The following CLEC17A variants were observed in gnomAD, a reference collection of about 807,000 sequenced individuals.
The protein encoded by CLEC17A is C-type lectin domain family 17, member A.
Under a neutral mutation model 61.3 loss-of-function variants are expected in CLEC17A, and 37 were observed. The ratio of observed to expected loss-of-function variants is 0.60; its 90% CI spans 0.46 to 0.79. CLEC17A has a LOEUF of 0.79. Ranked by LOEUF, CLEC17A falls within the 30% of genes least tolerant of loss-of-function variation. CLEC17A has a pLI of 0.00. For missense variants in CLEC17A, 418 were observed against 464.7 expected (o/e 0.90, Z 0.92); for synonymous variants, 168 against 164.9 (o/e 1.02, Z -0.14).
rs2075042225 is a variant in CLEC17A, at chr19:14,611,745, T to C, written c.*1549T>C. 6.6e-6 allele frequency among the ~76,000 whole-genome samples: 1 copy of C among 152,162 alleles called. No individual in the cohort carries two copies. Among genetic ancestry groups the C allele is most frequent in the Non-Finnish European group, 1.5e-5 (1 of 68,018 alleles). ...TGCCAGGCACAGTGGCTCACGCCTG[T>C]AATCCCAGCACTCTGGGAGACTGAG... On this transcript the variant is annotated 3_prime_UTR_variant, in exon 14 of 14. Transcript: ENST00000417570.
At chr19:14,605,947 C>T (rs908777280) in intron 12 of CLEC17A, among the ~76,000 whole-genome samples, 1 of 152,020 alleles carries the variant, frequency 6.6e-6, no homozygotes, top group African/African-American at 2.4e-5. Context: ...AGTATGTTGC[C>T]CAGACTAATC....
At chr19:14,608,432 G>A (rs1161011323) in intron 13 of CLEC17A, among the ~76,000 whole-genome samples, 2 of 152,068 alleles carry the variant, frequency 1.3e-5, no homozygotes, top group Non-Finnish European at 2.9e-5. Flanking sequence ...CAAGCTGATA[G>A]GGTGTCTAGC....
chr19:14,601,370 C>T (rs1426307301), intron 12 of CLEC17A, among the ~76,000 whole-genome samples: 3 of 152,150 alleles, frequency 2.0e-5, no homozygotes, highest in African/African-American at 2.4e-5. Context: ...GTCTCACCTC[C>T]GTGCAACCAG....
intron 3 of CLEC17A, among the ~76,000 whole-genome samples, 180 bp downstream of exon 3, chr19:14,587,871 G>C (rs964885926): frequency 1.3e-5 from 2 of 152,164 alleles, no homozygotes; most frequent in African/African-American, 4.8e-5. Context: ...GCAGGATTGG[G>C]CACAGTCTTG....
At chr19:14,581,892 T>C (rs1016079099), upstream of CLEC17A, among the ~76,000 whole-genome samples, 1 of 152,134 alleles carries the variant, frequency 6.6e-6, no homozygotes, top group Non-Finnish European at 1.5e-5. Flanking sequence ...CCTCACGTGA[T>C]CCACCCACCT....
intron 4 of CLEC17A, among the ~76,000 whole-genome samples, chr19:14,593,782 A>C (rs2074478992): frequency 6.6e-6 from 1 of 150,728 alleles, no homozygotes; most frequent in African/African-American, 2.4e-5. Context: ...AACACGGTGA[A>C]ACCCCGTCTC....
At chr19:14,588,146 C>G (rs1370131731) in intron 3 of CLEC17A, among the ~76,000 whole-genome samples, 1 of 151,842 alleles carries the variant, frequency 6.6e-6, no homozygotes, top group Non-Finnish European at 1.5e-5. Context: ...GATCACAAAC[C>G]CAAGGCATGG....
At chr19:14,595,119 G>T (rs867863262) in intron 7 of CLEC17A, among the ~76,000 whole-genome samples, 155 bp from the exon 8 acceptor site, 17 of 152,124 alleles carry the variant, frequency 1.1e-4, no homozygotes, top group African/African-American at 4.1e-4. Flanking sequence ...TGATCCACCC[G>T]CCTCAGCCTC....
At chr19:14,592,839 A>G (rs1038327837) in intron 4 of CLEC17A, among the ~76,000 whole-genome samples, 2 of 151,908 alleles carry the variant, frequency 1.3e-5, no homozygotes, top group Non-Finnish European at 2.9e-5. Flanking sequence ...TAACTTTTGT[A>G]TTTTTAGTAG....
intron 12 of CLEC17A, among the ~76,000 whole-genome samples, chr19:14,603,968 C>T (rs2146736797): frequency 6.6e-6 from 1 of 152,336 alleles, no homozygotes; most frequent in Non-Finnish European, 1.5e-5. Flanking sequence ...GGGGCTCAGA[C>T]TTTGGGCCAT....
At chr19:14,595,531 C>A (rs2074522219) in intron 8 of CLEC17A, among the ~76,000 whole-genome samples, 1 of 152,178 alleles carries the variant, frequency 6.6e-6, no homozygotes, top group Non-Finnish European at 1.5e-5. Flanking sequence ...CTTTTTTGTC[C>A]TTCTGAGGAC....
rs1167857467 is a variant in CLEC17A at position 14,610,993 on chromosome 19, TC to T, written c.*798del. ...TTTATTTTTATTTTTACTTTCCCCA[TC>T]TTTTCCTTTTTTTTTTTTTTCCAAA... On this transcript the variant is annotated 3_prime_UTR_variant, in exon 14 of 14. Coordinates refer to ENST00000417570, the MANE Select transcript of CLEC17A (RefSeq NM_001204118.2). 2 of 141,386 alleles carry T rather than the reference TC, an allele frequency of 1.4e-5. No homozygotes were observed. Among genetic ancestry groups the T allele is most frequent in the African/African-American group, 5.1e-5 (2 of 39,124 alleles). The allele number at this position is 141,386 out of a possible 1,614,324, so 8.8% of individuals were successfully genotyped here.
intron 12 of CLEC17A, among the ~76,000 whole-genome samples, chr19:14,604,951 C>T (rs555808081): frequency 1.3e-5 from 2 of 152,084 alleles, no homozygotes; most frequent in African/African-American, 2.4e-5. Context: ...GTGTTACTCA[C>T]ACCCAAACAG....
intron 2 of CLEC17A, among the ~76,000 whole-genome samples, chr19:14,586,786 T>C (rs1436800984): frequency 6.6e-6 from 1 of 152,166 alleles, no homozygotes; most frequent in Non-Finnish European, 1.5e-5. Flanking sequence ...GGAAGAAGTT[T>C]ATCCATCTCT....
At chr19:14,601,054 C>T (rs2074702142) in intron 12 of CLEC17A, among the ~76,000 whole-genome samples, 2 of 152,030 alleles carry the variant, frequency 1.3e-5, no homozygotes, top group South Asian at 4.2e-4. Flanking sequence ...AGGCATGTGC[C>T]ACCACGCCTG....
intron 3 of CLEC17A, 135 bp downstream of exon 3, chr19:14,587,826 C>T (rs1433835757): frequency 5.3e-6 from 8 of 1,513,120 alleles, no homozygotes; most frequent in Admixed American, 2.1e-5. Flanking sequence ...GAACCCACAC[C>T]CTGCCCAGGA....
chr19:14,598,191 C>T (rs994766626), intron 10 of CLEC17A, among the ~76,000 whole-genome samples: 1 of 152,172 alleles, frequency 6.6e-6, no homozygotes, highest in Non-Finnish European at 1.5e-5. Flanking sequence ...CACAGTGGCT[C>T]ATGTCTGTAA....
At chr19:14,598,532 G>C (rs2074614844) in intron 10 of CLEC17A, among the ~76,000 whole-genome samples, 1 of 151,716 alleles carries the variant, frequency 6.6e-6, no homozygotes, top group African/African-American at 2.4e-5. Context: ...GGAGTACAGT[G>C]GCGCGATCTC....
upstream of CLEC17A, among the ~76,000 whole-genome samples, chr19:14,582,894 C>T (rs2074199073): frequency 6.6e-6 from 1 of 152,124 alleles, no homozygotes; most frequent in South Asian, 2.1e-4. Flanking sequence ...AGGCGAGAGC[C>T]ACCACACCAG....
Sources: allele counts gnomAD v4.1 joint callset (sites outside exome capture counted in the v4.1 genomes callset), GRCh38; gene constraint gnomAD v4.1.1; transcripts MANE v1.5; gene names NCBI Gene and HGNC (gene_info 2026-07-23, HGNC 2026-07-21).